Variants in ATP6V1H observed in about 807,000 individuals in gnomAD.
ATP6V1H encodes V-type proton ATPase subunit H.
Under a neutral mutation model 71.7 loss-of-function variants are expected in ATP6V1H, and 39 were observed. That is an observed-to-expected ratio of 0.54 (90% CI 0.42 to 0.71). ATP6V1H has a LOEUF of 0.71. Among genes scored for constraint, ATP6V1H ranks in the 30% least tolerant of loss-of-function variants. ATP6V1H has a pLI of 0.00. For synonymous variants in ATP6V1H, 192 were observed against 199.3 expected, an observed-to-expected ratio of 0.96 and a Z score of 0.31; for missense variants, 509 against 594.9, an observed-to-expected ratio of 0.86 and a Z score of 1.50.
At position 53,755,638 on chromosome 8, in the gene ATP6V1H, A is replaced by G. The variant is rs574032293; in HGVS notation, c.1277+917T>C. Among the ~76,000 whole-genome samples, 5 of 70,334 alleles carry G rather than the reference A, an allele frequency of 7.1e-5. No homozygotes were observed. In the South Asian group the frequency reaches 2.2e-3, roughly 31 times the overall value. 46.1% of individuals were successfully genotyped at this position (70,334 alleles called of 152,430 possible). A position where few individuals can be genotyped will look rare whatever the true frequency, so the allele number is the denominator to read the frequency against. ...TCGCAAAATGGCTACCAAATCATTA[A>G]CATGAAATATCTAATGTGATCTACA... On this transcript the variant is annotated intron_variant, in intron 12 of 13. Coordinates refer to ENST00000359530, the MANE Select transcript of ATP6V1H (RefSeq NM_015941.4).
intron 9 of ATP6V1H, among the ~76,000 whole-genome samples, chr8:53,774,874 G>A (rs1366959909): frequency 6.6e-6 from 1 of 152,156 alleles, no homozygotes; most frequent in Non-Finnish European, 1.5e-5. Context: ...GAAAGTGAGA[G>A]GAGAAATCAG....
At chr8:53,730,893 C>G (rs1183235076) in intron 13 of ATP6V1H, among the ~76,000 whole-genome samples, 1 of 152,170 alleles carries the variant, frequency 6.6e-6, no homozygotes, top group Non-Finnish European at 1.5e-5. Flanking sequence ...CTGGCTCTTT[C>G]ATGATTTTGT....
intron 7 of ATP6V1H, 36 bp downstream of exon 7, chr8:53,811,128 T>C (rs2130463158): frequency 6.3e-7 from 1 of 1,588,172 alleles, no homozygotes; most frequent in Non-Finnish European, 8.6e-7. Context: ...ATAATTTATT[T>C]TGGGGATGTT....
chr8:53,772,161 A>C lies in ATP6V1H; in HGVS notation c.877T>G (p.Leu293Val). Residue 293 changes from leucine (L) to valine (V), a missense_variant, in exon 10 of 14, where the codon TTA (leucine) becomes GTA (valine). Coordinates refer to ENST00000359530, the MANE Select transcript of ATP6V1H (RefSeq NM_015941.4). ...RIILAAFRNF[L>V]EKSTERETRQ... ...GTTTCTCTTTCAGTTGATTTTTCTA[A>C]AAAGTTCTGGGTTAGACAAAGTGAT... The C allele has an allele frequency of 6.2e-7, 1 of 1,611,362 alleles. No homozygotes were observed. Among genetic ancestry groups the C allele is most frequent in the African/African-American group, 1.3e-5 (1 of 74,910 alleles).
intron 13 of ATP6V1H, among the ~76,000 whole-genome samples, chr8:53,730,450 G>T (rs1372658074): frequency 6.6e-6 from 1 of 152,086 alleles, no homozygotes; most frequent in African/African-American, 2.4e-5. Context: ...ATTTCTTAAG[G>T]TATAGCTTCT....
chr8:53,739,681 C>T (rs1038738001), intron 13 of ATP6V1H: 5 of 152,184 alleles, frequency 3.3e-5, no homozygotes, highest in Admixed American at 6.5e-5. Flanking sequence ...TGATGTGAAA[C>T]GGATGAATTA....
At chr8:53,787,071 A>G (rs1232936002) in intron 9 of ATP6V1H, among the ~76,000 whole-genome samples, 1 of 152,248 alleles carries the variant, frequency 6.6e-6, no homozygotes, top group South Asian at 2.1e-4. Context: ...ACAAGTTTCT[A>G]AATGCTGACT....
intron 4 of ATP6V1H, among the ~76,000 whole-genome samples, chr8:53,817,987 A>G (rs2130483338): frequency 6.6e-6 from 1 of 152,336 alleles, no homozygotes; most frequent in South Asian, 2.1e-4. Context: ...GCAAATGTTC[A>G]AGTTACTTCT....
chr8:53,842,969 G>C (rs1312336027), intron 1 of ATP6V1H, 65 bp downstream of exon 1: 1 of 152,436 alleles, frequency 6.6e-6, no homozygotes, highest in Non-Finnish European at 1.5e-5. Context: ...GCAAGCTGGA[G>C]AAACTGCAAG....
intron 13 of ATP6V1H, among the ~76,000 whole-genome samples, chr8:53,735,320 G>A (rs917262571): frequency 3.3e-5 from 5 of 152,088 alleles, no homozygotes; most frequent in African/African-American, 1.2e-4. Context: ...CCACCCTTAC[G>A]AATCGCCTCA....
chr8:53,836,022 G>A (rs1004465092), intron 2 of ATP6V1H, among the ~76,000 whole-genome samples: 1 of 152,172 alleles, frequency 6.6e-6, no homozygotes, highest in Non-Finnish European at 1.5e-5. Context: ...CCAAAGGCTA[G>A]AAGTTGGAAG....
chr8:53,754,239 A>T (rs1807911585), intron 12 of ATP6V1H, among the ~76,000 whole-genome samples: 1 of 152,188 alleles, frequency 6.6e-6, no homozygotes, highest in South Asian at 2.1e-4. Flanking sequence ...ACAAAGAAAA[A>T]AGGAAGGCAT....
At chr8:53,753,381 T>C (rs1807870582) in intron 12 of ATP6V1H, among the ~76,000 whole-genome samples, 1 of 152,170 alleles carries the variant, frequency 6.6e-6, no homozygotes, top group Non-Finnish European at 1.5e-5. Context: ...AGGTACAGCA[T>C]GATGGGAGAG....
At chr8:53,743,535 T>C in intron 13 of ATP6V1H, 42 bp downstream of exon 13, 1 of 1,408,900 alleles carries the variant, frequency 7.1e-7, no homozygotes, top group Non-Finnish European at 1.0e-6. Flanking sequence ...AGTGAGAGTT[T>C]GCAGACTAAT....
chr8:53,811,835 C>G (rs1014934564), intron 6 of ATP6V1H, among the ~76,000 whole-genome samples: 1 of 152,136 alleles, frequency 6.6e-6, no homozygotes, highest in Non-Finnish European at 1.5e-5. Flanking sequence ...AGGCATGAGT[C>G]CCCACAACCC....
intron 9 of ATP6V1H, among the ~76,000 whole-genome samples, chr8:53,792,168 C>G (rs1445477064): frequency 1.3e-5 from 2 of 152,130 alleles, no homozygotes; most frequent in African/African-American, 2.4e-5. Context: ...GTGCAGGAAA[C>G]ATGAAGAGCA....
intron 13 of ATP6V1H, among the ~76,000 whole-genome samples, chr8:53,734,109 G>A (rs543811402): frequency 6.6e-6 from 1 of 152,322 alleles, no homozygotes; most frequent in Admixed American, 6.5e-5. Context: ...TGACTTTAAT[G>A]AATACCAAAG....
chr8:53,823,181 T>G (rs141099060), intron 4 of ATP6V1H, among the ~76,000 whole-genome samples: 170 of 152,192 alleles, frequency 1.1e-3, no homozygotes, highest in African/African-American at 3.7e-3. Context: ...TTATACCCCT[T>G]AAGAAAGAAT....
intron 9 of ATP6V1H, among the ~76,000 whole-genome samples, chr8:53,789,401 G>A (rs751647097): frequency 2.4e-4 from 36 of 152,044 alleles, no homozygotes; most frequent in Non-Finnish European, 4.6e-4. Flanking sequence ...GGCCAGGCAC[G>A]GTGGCTCACA....
Sources: allele counts gnomAD v4.1 joint callset (sites outside exome capture counted in the v4.1 genomes callset), GRCh38; gene constraint gnomAD v4.1.1; transcripts MANE v1.5; gene names NCBI Gene and HGNC (gene_info 2026-07-23, HGNC 2026-07-21).